The following MSN variants were observed in gnomAD, a reference collection of about 807,000 sequenced individuals.
The protein encoded by MSN is moesin, also known as epididymis luminal protein 70.
A neutral mutation model predicts 48.0 loss-of-function variants in MSN; 2 were observed. The ratio of observed to expected loss-of-function variants is 0.04; its 90% CI spans 0.02 to 0.13. The LOEUF is 0.13. Among genes scored for constraint, MSN ranks in the 10% least tolerant of loss-of-function variants. The pLI is 1.00. For missense variants in MSN, 267 were observed against 470.1 expected (o/e 0.57, Z 3.99); for synonymous variants, 146 against 166.9 (o/e 0.87, Z 0.97).
intron 1 of MSN, among the ~76,000 whole-genome samples, chrX:65,683,078 T>A (rs1421227571): frequency 1.8e-5 from 2 of 112,928 alleles, no homozygotes; most frequent in Admixed American, 1.9e-4. Flanking sequence ...CAGGCAGCCA[T>A]GCAAACATTT....
chrX:65,629,887 T>G (rs1311816539), intron 1 of MSN, among the ~76,000 whole-genome samples: 1 of 111,546 alleles, frequency 9.0e-6, no homozygotes, highest in African/African-American at 3.3e-5. Context: ...TCTTTTAAAG[T>G]GTACAATTCA....
At chrX:65,669,642 C>T (rs1016355362) in intron 1 of MSN, among the ~76,000 whole-genome samples, 2 of 110,877 alleles carry the variant, frequency 1.8e-5, no homozygotes, top group Admixed American at 1.9e-4. Flanking sequence ...TGCAGATTGA[C>T]TGAAACCTGA....
chrX:65,598,248 G>A (rs1186175319), intron 1 of MSN, among the ~76,000 whole-genome samples: 2 of 110,408 alleles, frequency 1.8e-5, no homozygotes, highest in Non-Finnish European at 3.8e-5. Flanking sequence ...GGGTCGGGGG[G>A]AAGAGGGAAA....
rs111720807 is a variant in MSN, at chrX:65,696,225, TCA to T, written c.13-20567_13-20566del. 2.3e-3 allele frequency among the ~76,000 whole-genome samples: 237 copies of T among 101,740 alleles called. No individual in the cohort carries two copies. The Middle Eastern group carries it at 0.041, about 17-fold the overall frequency. 88.3% of individuals were successfully genotyped at this position (101,740 alleles called of 115,157 possible). ...AAAATGCCCTCACGTGCTTGCTCAT[TCA>T]CACACACACACACACACACACACAC... On this transcript the variant is annotated intron_variant, in intron 1 of 12. Transcript: ENST00000360270.
chrX:65,635,568 C>T (rs2070592095), intron 1 of MSN, among the ~76,000 whole-genome samples: 1 of 112,062 alleles, frequency 8.9e-6, no homozygotes, highest in Non-Finnish European at 1.9e-5. Context: ...CAGCCCTACA[C>T]TCTCTGACTG....
intron 1 of MSN, among the ~76,000 whole-genome samples, chrX:65,675,787 G>A (rs1285536229): frequency 2.7e-5 from 3 of 111,015 alleles, no homozygotes; most frequent in Non-Finnish European, 5.7e-5. Context: ...ACAGGCATGC[G>A]CCACCACGCC....
chrX:65,694,324 T>G (rs2071208233), intron 1 of MSN, among the ~76,000 whole-genome samples: 1 of 110,343 alleles, frequency 9.1e-6, no homozygotes, highest in Non-Finnish European at 1.9e-5. Context: ...CTACATTATC[T>G]CTTTAAGATT....
intron 1 of MSN, among the ~76,000 whole-genome samples, chrX:65,622,881 G>A (rs2070464801): frequency 9.0e-6 from 1 of 111,629 alleles, no homozygotes. Flanking sequence ...TATGTTAGCT[G>A]TGAGTTTTTC....
chrX:65,652,227 C>T (rs2070747876), intron 1 of MSN, among the ~76,000 whole-genome samples: 1 of 110,870 alleles, frequency 9.0e-6, no homozygotes, highest in Admixed American at 9.6e-5. Context: ...GGTGCACTTG[C>T]AGTTCAGTGA....
chrX:65,662,599 A>G (rs1236448318), intron 1 of MSN, among the ~76,000 whole-genome samples: 1 of 112,642 alleles, frequency 8.9e-6, no homozygotes, highest in Non-Finnish European at 1.9e-5. Flanking sequence ...GAAGAATGAA[A>G]CTAGACCCTT....
chrX:65,629,644 A>G (rs776095216), intron 1 of MSN, among the ~76,000 whole-genome samples: 70 of 112,004 alleles, frequency 6.2e-4, no homozygotes, highest in African/African-American at 2.2e-3. Flanking sequence ...CACTTCTTAC[A>G]TGGTGGTGGC....
rs759348410 is a variant in MSN, at chrX:65,606,071, T to C, written c.-22+17459T>C. 2.5e-3 allele frequency among the ~76,000 whole-genome samples: 271 copies of C among 109,537 alleles called. 1 individual carries two copies. Among genetic ancestry groups the C allele is most frequent in the Admixed American group, 3.2e-3 (33 of 10,264 alleles). The stretch of plus-strand genomic sequence containing the variant: ...GATCCTTCTACCTCAGCTTCCTGAG[T>C]GACTGGGTCTACAAGTATGCACCAC... On this transcript the variant is annotated intron_variant, in intron 1 of 3. Transcript: ENST00000609672.
At chrX:65,725,193 C>T (rs1049678439) in intron 2 of MSN, among the ~76,000 whole-genome samples, 1 of 111,608 alleles carries the variant, frequency 9.0e-6, no homozygotes, top group African/African-American at 3.3e-5. Flanking sequence ...ACTGAAACAC[C>T]TCTCATTACA....
At position 65,624,054 on chromosome X, in the gene MSN, G is replaced by A. The variant is rs773896847; in HGVS notation, c.-22+35442G>A. ...TTGTAATAATTTTTATTTTTGCAAG[G>A]CTGGTAGTAATATCTCCACTTTCAT... On this transcript the variant is annotated intron_variant, in intron 1 of 3. Coordinates refer to the MSN transcript ENST00000609672. Among the ~76,000 whole-genome samples, 16 of 110,082 alleles carry A rather than the reference G, an allele frequency of 1.5e-4. 1 individual carries two copies. The highest frequency in any genetic ancestry group is 4.7e-4 in the African/African-American group (14 of 29,815).
chrX:65,688,645 G>A (rs185080638), intron 1 of MSN, among the ~76,000 whole-genome samples: 7 of 112,042 alleles, frequency 6.2e-5, no homozygotes, highest in East Asian at 5.6e-4. Flanking sequence ...CCCTTCCCCC[G>A]TTCCAGTGGT....
In MSN at chrX:65,659,382, G is replaced by A. The variant is rs903269712; in HGVS notation, c.-21-57436G>A. Among the ~76,000 whole-genome samples, 13 of 111,539 alleles carry A rather than the reference G, an allele frequency of 1.2e-4. No individual in the cohort carries two copies. The Admixed American group carries it at 1.2e-3, about 11-fold the overall frequency. On this transcript the variant is annotated intron_variant, in intron 1 of 3. Coordinates refer to the MSN transcript ENST00000609672. ...TTGGCCAGGCTGGTCTCAAACTCCTGGCCTCAAGTGATCCACCAGCCTCGG... is the reference window on the plus strand; with the variant it reads ...TTGGCCAGGCTGGTCTCAAACTCCTAGCCTCAAGTGATCCACCAGCCTCGG...
chrX:65,718,818 TAAAA>T (rs55726908), intron 2 of MSN, among the ~76,000 whole-genome samples: 1 of 75,187 alleles, frequency 1.3e-5, no homozygotes, highest in Non-Finnish European at 2.4e-5. Context: ...ACTCTGTCTC[TAAAA>T]AAAAAAAAAA....
At chrX:65,708,128 GGTGTGA>G (rs1256215257) in intron 1 of MSN, among the ~76,000 whole-genome samples, 3 of 110,871 alleles carry the variant, frequency 2.7e-5, no homozygotes, top group Non-Finnish European at 5.7e-5. Context: ...GGGATTTACA[GGTGTGA>G]GCTGCTGTAC....
chrX:65,603,888 C>T (rs183690283), intron 1 of MSN, among the ~76,000 whole-genome samples: 5 of 111,984 alleles, frequency 4.5e-5, no homozygotes, highest in Middle Eastern at 4.7e-3. Flanking sequence ...TTATTAACAA[C>T]GTGGTAGTCA....
Sources: allele counts gnomAD v4.1 joint callset (sites outside exome capture counted in the v4.1 genomes callset), GRCh38; gene constraint gnomAD v4.1.1; transcripts MANE v1.5; gene names NCBI Gene and HGNC (gene_info 2026-07-23, HGNC 2026-07-21).